DPYD: variants seen among roughly 807,000 people sequenced by gnomAD.
The protein encoded by DPYD is dihydropyrimidine dehydrogenase.
Under a neutral mutation model 116.2 loss-of-function variants are expected in DPYD, and 109 were observed. The observed-to-expected ratio is 0.94, with a 90% CI of 0.80 to 1.10. The LOEUF (loss-of-function observed/expected upper bound fraction) is 1.10. DPYD is among the 50% of genes least tolerant of loss of function. The pLI is 0.00. For missense variants in DPYD, 1,302 were observed against 1,254.5 expected (o/e 1.04, Z -0.57); for synonymous variants, 440 against 432.0 (o/e 1.02, Z -0.23).
At chr1:97,747,246 A>C (rs1271701992) in intron 3 of DPYD, among the ~76,000 whole-genome samples, 1 of 152,166 alleles carries the variant, frequency 6.6e-6, no homozygotes, top group East Asian at 1.9e-4. Flanking sequence ...AAATACGTAA[A>C]AGCATTCATT....
chr1:97,818,941 C>T (rs372545106), intron 3 of DPYD, among the ~76,000 whole-genome samples: 83 of 152,010 alleles, frequency 5.5e-4, no homozygotes, highest in African/African-American at 2.0e-3. Flanking sequence ...AAATTAATCA[C>T]ATACATTACA....
rs376856132 is a variant in DPYD, at chr1:97,638,968, A to C, written c.850+40127T>G. On this transcript the variant is annotated intron_variant, in intron 8 of 22. Transcript: ENST00000370192. The stretch of plus-strand genomic sequence containing the variant: ...TAAACATCCAAACCATATCATTTGG[A>C]GATGGTATCATAACGGTTTCAATAT... Among the ~76,000 whole-genome samples, 83 of 152,260 alleles carry C rather than the reference A, an allele frequency of 5.5e-4. No individual in the cohort carries two copies. In the Middle Eastern group the frequency reaches 0.01, roughly 19 times the overall value.
At chr1:97,161,644 A>C (rs918819255) in intron 20 of DPYD, among the ~76,000 whole-genome samples, 4 of 151,260 alleles carry the variant, frequency 2.6e-5, no homozygotes, top group Admixed American at 2.0e-4. Context: ...ATATGTATAC[A>C]TGTGCCATGC....
At chr1:97,287,480 G>C (rs1199228133) in intron 18 of DPYD, among the ~76,000 whole-genome samples, 2 of 152,188 alleles carry the variant, frequency 1.3e-5, no homozygotes, top group East Asian at 3.9e-4. Context: ...GGACATTTAA[G>C]TCTGCAGAGG....
At chr1:97,341,149 G>A (rs987302682) in intron 16 of DPYD, among the ~76,000 whole-genome samples, 2 of 152,110 alleles carry the variant, frequency 1.3e-5, no homozygotes, top group Admixed American at 6.6e-5. Flanking sequence ...GTTTGGCTCT[G>A]AGTCAACAAT....
intron 13 of DPYD, among the ~76,000 whole-genome samples, chr1:97,480,642 T>C (rs1678243893): frequency 6.6e-6 from 1 of 152,246 alleles, no homozygotes; most frequent in Admixed American, 6.5e-5. Context: ...ATGTTTAACC[T>C]TGTGTACATT....
At chr1:97,770,116 T>C (rs1666064792) in intron 3 of DPYD, among the ~76,000 whole-genome samples, 1 of 152,214 alleles carries the variant, frequency 6.6e-6, no homozygotes, top group African/African-American at 2.4e-5. Context: ...CATTAATATG[T>C]TCATGCTGTG....
intron 1 of DPYD, among the ~76,000 whole-genome samples, chr1:97,916,444 C>G (rs1056981476): frequency 6.6e-6 from 1 of 152,004 alleles, no homozygotes; most frequent in Non-Finnish European, 1.5e-5. Context: ...GTTTTTTGTC[C>G]TTGTGATAGT....
intron 1 of DPYD, chr1:97,883,931 A>C (rs1045875431): frequency 2.4e-6 from 1 of 420,284 alleles, no homozygotes; most frequent in Non-Finnish European, 4.5e-6. Flanking sequence ...TTGGTTTTCC[A>C]AAAAAAAGTT....
At chr1:97,330,763 CTTT>C (rs1668945385) in intron 16 of DPYD, among the ~76,000 whole-genome samples, 1 of 152,114 alleles carries the variant, frequency 6.6e-6, no homozygotes, top group African/African-American at 2.4e-5. Flanking sequence ...TATCCATTTG[CTTT>C]TATAGTTGCC....
chr1:97,392,524 C>A (rs1557680692), intron 14 of DPYD, among the ~76,000 whole-genome samples: 1 of 151,986 alleles, frequency 6.6e-6, no homozygotes. Context: ...CAAGAGATTT[C>A]TCTGTAGCAT....
chr1:97,409,160 T>G (rs1673837223), intron 14 of DPYD, among the ~76,000 whole-genome samples: 1 of 152,184 alleles, frequency 6.6e-6, no homozygotes, highest in Non-Finnish European at 1.5e-5. Context: ...ATACAATACA[T>G]ATAAGCACAT....
At chr1:97,619,943 T>C (rs562113940) in intron 8 of DPYD, among the ~76,000 whole-genome samples, 1 of 152,236 alleles carries the variant, frequency 6.6e-6, no homozygotes, top group Admixed American at 6.5e-5. Flanking sequence ...CCATGACTGA[T>C]TCTAAATACA....
chr1:97,899,223 A>G (rs1673235168), intron 1 of DPYD, among the ~76,000 whole-genome samples: 1 of 151,746 alleles, frequency 6.6e-6, no homozygotes, highest in Non-Finnish European at 1.5e-5. Context: ...GAATAACTGA[A>G]GTCAGTCACA....
intron 14 of DPYD, among the ~76,000 whole-genome samples, chr1:97,424,323 G>T (rs1674746527): frequency 6.6e-6 from 1 of 152,000 alleles, no homozygotes; most frequent in Non-Finnish European, 1.5e-5. Context: ...CCATAATGCT[G>T]CAGGATGGAA....
chr1:97,529,862 C>T (rs1252269731), intron 12 of DPYD, among the ~76,000 whole-genome samples: 9 of 146,188 alleles, frequency 6.2e-5, no homozygotes, highest in Non-Finnish European at 9.0e-5. Context: ...TCCTGTCTTC[C>T]CTTTCCTTCT....
chr1:97,202,061 A>G (rs1659244875), intron 19 of DPYD, among the ~76,000 whole-genome samples: 1 of 152,152 alleles, frequency 6.6e-6, no homozygotes, highest in Non-Finnish European at 1.5e-5. Context: ...CTACTAAGAA[A>G]TCTGGCTTTG....
chr1:97,704,789 AC>A (rs1661824776), intron 5 of DPYD, among the ~76,000 whole-genome samples: 2 of 151,996 alleles, frequency 1.3e-5, no homozygotes, highest in African/African-American at 4.8e-5. Context: ...TTGTCCATCA[AC>A]TGACTAATAT....
intron 2 of DPYD, among the ~76,000 whole-genome samples, chr1:97,839,920 C>T (rs1484805958): frequency 2.6e-5 from 4 of 152,170 alleles, no homozygotes; most frequent in Non-Finnish European, 5.9e-5. Context: ...TCCCTGGATA[C>T]TAATGAGGTG....
Sources: allele counts gnomAD v4.1 joint callset (sites outside exome capture counted in the v4.1 genomes callset), GRCh38; gene constraint gnomAD v4.1.1; transcripts MANE v1.5; gene names NCBI Gene and HGNC (gene_info 2026-07-23, HGNC 2026-07-21).